Variants in ALOX5AP observed in about 807,000 individuals in gnomAD.
The protein encoded by ALOX5AP is arachidonate 5-lipoxygenase-activating protein.
Under a neutral mutation model 18.5 loss-of-function variants are expected in ALOX5AP, and 9 were observed. That is an observed-to-expected ratio of 0.49 (90% CI 0.29 to 0.85). The LOEUF (loss-of-function observed/expected upper bound fraction) is 0.85, where lower values mean the gene tolerates loss of function less well. Among genes scored for constraint, ALOX5AP ranks in the 40% least tolerant of loss-of-function variants. The probability of loss-of-function intolerance (pLI) is 0.08; values close to 1 mark genes in which losing one functional copy is unlikely to be tolerated. For missense variants in ALOX5AP, 172 were observed against 202.5 expected (o/e 0.85, Z 0.91); for synonymous variants, 81 against 78.6 (o/e 1.03, Z -0.16).
chr13:30,742,541 A>G (rs923525409), intron 1 of ALOX5AP: 2 of 152,218 alleles, frequency 1.3e-5, no homozygotes, highest in Non-Finnish European at 2.9e-5. Context: ...GTGACGGAAT[A>G]CATGGCAAGT....
chr13:30,752,183 AG>A, intron 3 of ALOX5AP, 61 bp downstream of exon 3: 2 of 1,554,504 alleles, frequency 1.3e-6, no homozygotes, highest in Non-Finnish European at 1.8e-6. Context: ...GGAGGTTCAA[AG>A]GGCAGGCTTT....
intron 4 of ALOX5AP, among the ~76,000 whole-genome samples, chr13:30,759,749 G>A (rs572233127): frequency 6.6e-6 from 1 of 152,128 alleles, no homozygotes; most frequent in Non-Finnish European, 1.5e-5. Context: ...CTTTTGGAAG[G>A]CCGGGGAGCA....
chr13:30,737,945 T>C (rs1951733821), intron 1 of ALOX5AP, among the ~76,000 whole-genome samples: 1 of 152,224 alleles, frequency 6.6e-6, no homozygotes, highest in Admixed American at 6.5e-5. Context: ...TCCAAGCCTC[T>C]CTTTGCAATT....
chr13:30,725,144 C>T (rs187334703), intron 1 of ALOX5AP, among the ~76,000 whole-genome samples: 12 of 135,998 alleles, frequency 8.8e-5, no homozygotes, highest in Admixed American at 8.1e-4. Flanking sequence ...AGAAGATGTC[C>T]GTGAGTTACA....
chr13:30,729,017 T>C (rs1951659585), intron 1 of ALOX5AP, among the ~76,000 whole-genome samples: 1 of 152,250 alleles, frequency 6.6e-6, no homozygotes, highest in African/African-American at 2.4e-5. Flanking sequence ...GTAGTTCTAA[T>C]TTGTATTTCC....
chr13:30,739,635 A>G (rs1443724725), intron 1 of ALOX5AP, among the ~76,000 whole-genome samples: 2 of 152,170 alleles, frequency 1.3e-5, no homozygotes, highest in Admixed American at 1.3e-4. Flanking sequence ...GGGTTTCACC[A>G]TGTTGGCCAG....
intron 4 of ALOX5AP, among the ~76,000 whole-genome samples, chr13:30,759,005 G>C (rs1361058794): frequency 6.6e-6 from 1 of 152,106 alleles, no homozygotes; most frequent in East Asian, 1.9e-4. Flanking sequence ...TTTTAGTAGA[G>C]ATAGGGTTTA....
At position 30,742,013 on chromosome 13, in the gene ALOX5AP, G is replaced by A. The variant is rs1346291992; in HGVS notation, c.71-2047G>A. Among the ~76,000 whole-genome samples the A allele has an allele frequency of 2.0e-5, 3 of 152,220 alleles. No individual in the cohort carries two copies. The East Asian group carries it at 5.8e-4, about 29-fold the overall frequency. ...TAAAAACAGATCTTTTGAATGGACA[G>A]GTGTATTAAACCCTGTGGAGCTGGC... is the stretch of plus-strand genomic sequence containing the variant. On this transcript the variant is annotated intron_variant, in intron 1 of 4. Coordinates refer to ENST00000380490, the MANE Select transcript of ALOX5AP (RefSeq NM_001629.4).
At chr13:30,734,637 T>C (rs1951706501), upstream of ALOX5AP, among the ~76,000 whole-genome samples, 3 of 152,230 alleles carry the variant, frequency 2.0e-5, no homozygotes, top group Admixed American at 6.5e-5. Context: ...TCTACTCTTA[T>C]TCAGTTGAAA....
At chr13:30,733,429 C>T (rs1341477650), upstream of ALOX5AP, among the ~76,000 whole-genome samples, 2 of 152,310 alleles carry the variant, frequency 1.3e-5, no homozygotes, top group East Asian at 3.9e-4. Context: ...TTATGGGGTT[C>T]AAACTCCTTG....
At chr13:30,740,561 C>G (rs960598436) in intron 1 of ALOX5AP, among the ~76,000 whole-genome samples, 1 of 152,136 alleles carries the variant, frequency 6.6e-6, no homozygotes, top group Non-Finnish European at 1.5e-5. Context: ...CTGTAGCATA[C>G]TGGAGGATTA....
At chr13:30,744,441 A>G in intron 2 of ALOX5AP, 1 of 308,700 alleles carries the variant, frequency 3.2e-6, no homozygotes, top group Non-Finnish European at 6.3e-6. Flanking sequence ...TCATTTGGTT[A>G]GAGAAGTTGA....
rs2137837144 is a variant in ALOX5AP at position 30,764,170 on chromosome 13, G to A, written c.*64G>A. 1 of 1,508,076 alleles carries A rather than the reference G, an allele frequency of 6.6e-7. No homozygotes were observed. Among genetic ancestry groups the A allele is most frequent in the Non-Finnish European group, 9.0e-7 (1 of 1,113,830 alleles). The allele number at this position is 1,508,076 out of a possible 1,614,324, so 93.4% of individuals were successfully genotyped here. On this transcript the variant is annotated 3_prime_UTR_variant, in exon 5 of 5. Coordinates refer to ENST00000380490, the MANE Select transcript of ALOX5AP (RefSeq NM_001629.4). Reference sequence around the variant, plus strand: ...AATACCTACAAGTCATCATAATTCAGCTCTTGAGAGCATTCTGCTCTTCTT... The same window carrying A: ...AATACCTACAAGTCATCATAATTCAACTCTTGAGAGCATTCTGCTCTTCTT...
intron 4 of ALOX5AP, among the ~76,000 whole-genome samples, chr13:30,761,670 A>G (rs1229963420): frequency 6.6e-6 from 1 of 152,212 alleles, no homozygotes; most frequent in African/African-American, 2.4e-5. Flanking sequence ...TAGAAGTCCA[A>G]GATCAAAGTG....
In ALOX5AP at chr13:30,744,178, G is replaced by A. The variant is rs1189872039; in HGVS notation, c.170+19G>A. The A allele has an allele frequency of 1.2e-6, 2 of 1,609,820 alleles. No individual in the cohort carries two copies. Among genetic ancestry groups the A allele is most frequent in the African/African-American group, 2.7e-5 (2 of 74,842 alleles). On this transcript the variant is annotated intron_variant, in intron 2 of 4. Transcript: ENST00000380490. ...CTGCCAAGTGAGTCCTAACCCTGAT[G>A]TTGCTAATAAGTGGGGGCATGGGCA...
At chr13:30,732,205 T>C (rs1041403237), upstream of ALOX5AP, among the ~76,000 whole-genome samples, 1 of 152,142 alleles carries the variant, frequency 6.6e-6, no homozygotes, top group African/African-American at 2.4e-5. Flanking sequence ...CTTTCGACCT[T>C]CTAAAGCGCG....
chr13:30,755,389 G>A (rs905696299), intron 3 of ALOX5AP, among the ~76,000 whole-genome samples: 1 of 152,134 alleles, frequency 6.6e-6, no homozygotes, highest in African/African-American at 2.4e-5. Flanking sequence ...CCCCTTTTAC[G>A]AGCTGACAGC....
intron 2 of ALOX5AP, among the ~76,000 whole-genome samples, chr13:30,749,252 A>G (rs955812174): frequency 3.3e-5 from 5 of 152,222 alleles, no homozygotes; most frequent in African/African-American, 1.2e-4. Flanking sequence ...CAAATCCCTT[A>G]GACAATTAAG....
chr13:30,718,339 G>A (rs1238254915), intron 1 of ALOX5AP, among the ~76,000 whole-genome samples: 3 of 150,012 alleles, frequency 2.0e-5, no homozygotes, highest in Non-Finnish European at 3.0e-5. Flanking sequence ...GGCTATGGGA[G>A]TTATGAGCCA....
Sources: allele counts gnomAD v4.1 joint callset (sites outside exome capture counted in the v4.1 genomes callset), GRCh38; gene constraint gnomAD v4.1.1; transcripts MANE v1.5; gene names NCBI Gene and HGNC (gene_info 2026-07-23, HGNC 2026-07-21).